Variants in POPDC1 observed in about 807,000 individuals in gnomAD.
POPDC1 encodes the protein popeye domain-containing protein 1.
the POPDC1 span, among the ~76,000 whole-genome samples, chr6:105,113,286 C>A: frequency 6.6e-6 from 1 of 152,074 alleles, no homozygotes; most frequent in African/African-American, 2.4e-5. Flanking sequence ...CAGAACCAGC[C>A]CCCATGGAAG....
At chr6:105,127,359 T>C in the POPDC1 span, among the ~76,000 whole-genome samples, 1 of 152,190 alleles carries the variant, frequency 6.6e-6, no homozygotes, top group Non-Finnish European at 1.5e-5. Context: ...AATGCAATCA[T>C]TATCTACCTC....
the POPDC1 span, among the ~76,000 whole-genome samples, chr6:105,118,385 CA>C: frequency 3.9e-5 from 6 of 152,264 alleles, no homozygotes; most frequent in South Asian, 1.2e-3. Flanking sequence ...TTTATTATAT[CA>C]AAAGTAGGAA....
the POPDC1 span, among the ~76,000 whole-genome samples, chr6:105,118,954 T>C: frequency 6.6e-6 from 1 of 151,992 alleles, no homozygotes; most frequent in East Asian, 1.9e-4. Flanking sequence ...GAGGCTAAGA[T>C]GGGCCGATCA....
the POPDC1 span, among the ~76,000 whole-genome samples, chr6:105,131,806 A>G: frequency 7.5e-4 from 112 of 149,818 alleles, no homozygotes; most frequent in African/African-American, 2.0e-3. Context: ...CTTAAAATTC[A>G]TAATTGATGT....
chr6:105,111,525 C>T, the POPDC1 span, among the ~76,000 whole-genome samples: 1 of 152,304 alleles, frequency 6.6e-6, no homozygotes, highest in South Asian at 2.1e-4. Flanking sequence ...TCCTATCTCG[C>T]TATATTCCAT....
chr6:105,105,762 T>C, the POPDC1 span, among the ~76,000 whole-genome samples: 767 of 152,300 alleles, frequency 5.0e-3, 9 homozygotes, highest in Non-Finnish European at 7.4e-3. Context: ...TACTGATAGA[T>C]ATCAGAAATT....
At chr6:105,133,408 A>G in the POPDC1 span, 5 of 1,613,710 alleles carry the variant, frequency 3.1e-6, no homozygotes, top group Non-Finnish European at 4.2e-6. Context: ...AGTTGGAATA[A>G]CCAACCCAAC....
At chr6:105,124,914 C>T in the POPDC1 span, among the ~76,000 whole-genome samples, 1 of 152,178 alleles carries the variant, frequency 6.6e-6, no homozygotes, top group Admixed American at 6.5e-5. Context: ...CAGAAGTGAC[C>T]ATATAATCTG....
chr6:105,103,720 T>C, the POPDC1 span, among the ~76,000 whole-genome samples: 8 of 152,152 alleles, frequency 5.3e-5, no homozygotes, highest in East Asian at 7.7e-4. Flanking sequence ...TGGTTTCTAG[T>C]TTTTAAGCTC....
the POPDC1 span, among the ~76,000 whole-genome samples, chr6:105,129,915 A>G: frequency 6.6e-6 from 1 of 152,232 alleles, no homozygotes; most frequent in African/African-American, 2.4e-5. Context: ...AAGTGAATCC[A>G]TGGATGTGGG....
At chr6:105,120,893 G>T in the POPDC1 span, among the ~76,000 whole-genome samples, 7 of 152,106 alleles carry the variant, frequency 4.6e-5, no homozygotes, top group African/African-American at 1.7e-4. Context: ...TCCTAGAAGT[G>T]GTCTATTCCA....
At chr6:105,124,448 C>T in the POPDC1 span, 2 of 847,472 alleles carry the variant, frequency 2.4e-6, no homozygotes, top group Non-Finnish European at 1.9e-6. Context: ...CTTGTTTTTC[C>T]CCCCAATAAT....
the POPDC1 span, among the ~76,000 whole-genome samples, chr6:105,108,544 G>A: frequency 6.6e-6 from 1 of 152,302 alleles, no homozygotes; most frequent in African/African-American, 2.4e-5. Context: ...GAAGCCTGAA[G>A]ATCCCAGGGA....
the POPDC1 span, chr6:105,101,045 CT>C: frequency 6.4e-7 from 1 of 1,571,120 alleles, no homozygotes; most frequent in Non-Finnish European, 8.6e-7. Context: ...TTCAGGATCT[CT>C]TCAAGACACC....
the POPDC1 span, among the ~76,000 whole-genome samples, chr6:105,104,173 T>G: frequency 3.3e-5 from 5 of 151,894 alleles, no homozygotes; most frequent in Admixed American, 3.3e-4. Flanking sequence ...GTTCCTCCAC[T>G]CCCATCTCTA....
the POPDC1 span, among the ~76,000 whole-genome samples, chr6:105,128,020 G>C: frequency 7.0e-4 from 106 of 152,278 alleles, no homozygotes; most frequent in African/African-American, 2.4e-3. Flanking sequence ...TCGGCTTCCC[G>C]AAGTGTTGGG....
At chr6:105,104,693 T>C in the POPDC1 span, among the ~76,000 whole-genome samples, 3 of 152,186 alleles carry the variant, frequency 2.0e-5, no homozygotes, top group Non-Finnish European at 4.4e-5. Context: ...TTTTGTAGAA[T>C]TGATTCGACA....
the POPDC1 span, chr6:105,097,150 G>A: frequency 6.6e-6 from 1 of 152,198 alleles, no homozygotes; most frequent in East Asian, 1.9e-4. Flanking sequence ...GCTGCCATGA[G>A]TAAGGGAGCG....
the POPDC1 span, among the ~76,000 whole-genome samples, chr6:105,120,424 C>T: frequency 6.6e-6 from 1 of 152,234 alleles, no homozygotes; most frequent in African/African-American, 2.4e-5. Flanking sequence ...AACAGTCAAG[C>T]AAAGTGTATT....
Sources: gnomAD v4.1 joint callset for allele counts (sites outside exome capture counted in the v4.1 genomes callset) on GRCh38, gnomAD v4.1.1 for gene constraint, MANE v1.5 for transcripts, NCBI Gene and HGNC (gene_info 2026-07-23, HGNC 2026-07-21) for gene names.